DHX35: variants seen among roughly 807,000 people sequenced by gnomAD.
DHX35 encodes the protein DEAH-box helicase 35.
Under a neutral mutation model 99.6 loss-of-function variants are expected in DHX35, and 84 were observed. The observed-to-expected ratio is 0.84, with a 90% CI of 0.71 to 1.01. The LOEUF is 1.01. DHX35 is among the 50% of genes least tolerant of loss of function. DHX35 has a pLI of 0.00. For synonymous variants in DHX35, 331 were observed against 316.2 expected (o/e 1.05, Z -0.50); for missense variants, 852 against 888.5 (o/e 0.96, Z 0.52).
At position 38,992,378 on chromosome 20, in the gene DHX35, C is replaced by CTGG; in HGVS notation, c.535_536insTGG (p.His179delinsLeuAsp). The stretch of plus-strand genomic sequence containing the variant: ...TAGTGTCATCATGCTGGATGAAGCC[C>CTGG]ACGAGAGGACCTTGTACACTGACAT... On this transcript the variant is annotated protein_altering_variant, in exon 7 of 22. Transcript: ENST00000252011. The CTGG allele has an allele frequency of 6.2e-7, 1 of 1,614,054 alleles. No individual in the cohort carries two copies. Among genetic ancestry groups the CTGG allele is most frequent in the Non-Finnish European group, 8.5e-7 (1 of 1,179,978 alleles).
chr20:38,980,405 A>C (rs566710036), intron 3 of DHX35, among the ~76,000 whole-genome samples: 47 of 151,922 alleles, frequency 3.1e-4, no homozygotes, highest in African/African-American at 1.1e-3. Context: ...TTCCTTATAG[A>C]ATTTGTTTTG....
At chr20:39,006,674 CCTTT>C (rs1465043459) in intron 12 of DHX35, among the ~76,000 whole-genome samples, 2 of 152,284 alleles carry the variant, frequency 1.3e-5, no homozygotes, top group African/African-American at 4.8e-5. Context: ...GTCTTTCTTG[CCTTT>C]CTTTCTTGAC....
intron 5 of DHX35, among the ~76,000 whole-genome samples, chr20:38,990,775 G>T (rs898769584): frequency 3.3e-5 from 5 of 152,088 alleles, no homozygotes; most frequent in African/African-American, 9.7e-5. Flanking sequence ...GGTTGGGGGG[G>T]TTTCTAGAAC....
intron 3 of DHX35, among the ~76,000 whole-genome samples, chr20:38,983,208 C>T (rs750170739): frequency 2.6e-5 from 4 of 152,134 alleles, no homozygotes; most frequent in Non-Finnish European, 2.9e-5. Context: ...CATGAGCCGC[C>T]GTGCCTGTTC....
At chr20:38,978,944 A>G (rs2086125542) in intron 3 of DHX35, among the ~76,000 whole-genome samples, 1 of 152,190 alleles carries the variant, frequency 6.6e-6, no homozygotes. Context: ...TTTATTAAAT[A>G]GATTGTCCTT....
chr20:39,037,114 A>G (rs1413013149), intron 21 of DHX35, among the ~76,000 whole-genome samples: 1 of 147,784 alleles, frequency 6.8e-6, no homozygotes, highest in Non-Finnish European at 1.5e-5. Context: ...CTTCCCAGAA[A>G]AAAGCACCAA....
intron 15 of DHX35, among the ~76,000 whole-genome samples, chr20:39,019,575 T>C (rs967963971): frequency 6.6e-6 from 1 of 152,226 alleles, no homozygotes; most frequent in African/African-American, 2.4e-5. Flanking sequence ...TTTAAAAATG[T>C]ATTTTTAATT....
At chr20:39,010,824 A>G (rs1260432577) in intron 13 of DHX35, among the ~76,000 whole-genome samples, 1 of 152,092 alleles carries the variant, frequency 6.6e-6, no homozygotes, top group African/African-American at 2.4e-5. Context: ...CTGCAGCTTT[A>G]GATAGAGCTG....
chr20:38,984,845 A>G (rs894384350), intron 4 of DHX35, among the ~76,000 whole-genome samples: 1 of 150,684 alleles, frequency 6.6e-6, no homozygotes, highest in East Asian at 1.9e-4. Flanking sequence ...CTAACCTTGA[A>G]TTGCTTGTTT....
Position 39,025,358 on chromosome 20 carries a change from A to G in DHX35, c.1800A>G (p.Glu600=). The change falls in exon 18 of 22, where the codon GAA becomes GAG. Residue 600 remains glutamate, a splice_region_variant and synonymous_variant. Transcript: ENST00000252011. The stretch of plus-strand genomic sequence containing the variant: ...TTCAAGTGCCCAGGAAGTCTAGTGA[A>G]GGTGAGAAGAAACCGTCCCAGCTGG... ...VKFQVPRKSS[E]GDPDLVLRCI... is the part of the protein sequence containing the mutation. 6.2e-7 allele frequency: 1 copy of G among 1,613,050 alleles called. No homozygotes were observed.
intron 17 of DHX35, among the ~76,000 whole-genome samples, chr20:39,024,235 T>C (rs2086916835): frequency 6.6e-6 from 1 of 152,244 alleles, no homozygotes; most frequent in African/African-American, 2.4e-5. Context: ...CATATTTAGC[T>C]ATAAGTGATG....
chr20:38,975,319 G>A (rs943732570), intron 3 of DHX35, among the ~76,000 whole-genome samples: 15 of 152,300 alleles, frequency 9.8e-5, no homozygotes, highest in African/African-American at 3.6e-4. Context: ...AGCCTAGTAA[G>A]TTACTCATTT....
chr20:38,985,949 A>G (rs970195062), intron 4 of DHX35, among the ~76,000 whole-genome samples: 2 of 152,246 alleles, frequency 1.3e-5, no homozygotes, highest in Non-Finnish European at 2.9e-5. Flanking sequence ...GATCTCTGTG[A>G]GAGGCAATTA....
chr20:38,969,981 C>T (rs946583543), intron 2 of DHX35, among the ~76,000 whole-genome samples: 1 of 152,198 alleles, frequency 6.6e-6, no homozygotes, highest in Non-Finnish European at 1.5e-5. Flanking sequence ...CACAGGATGC[C>T]CTTGGAATGA....
intron 3 of DHX35, among the ~76,000 whole-genome samples, chr20:38,973,891 C>T (rs549278624): frequency 6.6e-6 from 1 of 152,348 alleles, no homozygotes; most frequent in Non-Finnish European, 1.5e-5. Context: ...GTAATGCTAA[C>T]CCCTGCTAGT....
At chr20:38,972,941 T>C (rs1418460994) in intron 3 of DHX35, among the ~76,000 whole-genome samples, 1 of 152,242 alleles carries the variant, frequency 6.6e-6, no homozygotes, top group Non-Finnish European at 1.5e-5. Context: ...GTTTTTATCC[T>C]TAAATAGTTA....
At chr20:39,033,906 A>AT (rs2087101156) in intron 20 of DHX35, among the ~76,000 whole-genome samples, 1 of 152,190 alleles carries the variant, frequency 6.6e-6, no homozygotes, top group South Asian at 2.1e-4. Flanking sequence ...TAATAAAGTC[A>AT]TTAGGCTCAG....
chr20:38,963,066 A>G (rs2085859080), intron 1 of DHX35: 1 of 152,434 alleles, frequency 6.6e-6, no homozygotes, highest in African/African-American at 2.4e-5. Flanking sequence ...ACAGTCCTTC[A>G]TATTGGCTGC....
Position 39,018,214 on chromosome 20 carries a change from G to C in DHX35, c.1403-590G>C, listed in dbSNP as rs2086816328. Among the ~76,000 whole-genome samples the C allele has an allele frequency of 2.0e-5, 3 of 152,246 alleles. No individual in the cohort carries two copies. In the East Asian group the frequency reaches 5.8e-4, roughly 30 times the overall value. On this transcript the variant is annotated intron_variant, in intron 14 of 21. Coordinates refer to ENST00000252011, the MANE Select transcript of DHX35 (RefSeq NM_021931.4). ...ATATCACTCATTTAGTATGAGAAGG[G>C]CACAGGACACGGGATGCCATCGATA...
Sources: allele counts gnomAD v4.1 joint callset (sites outside exome capture counted in the v4.1 genomes callset), GRCh38; gene constraint gnomAD v4.1.1; transcripts MANE v1.5; gene names NCBI Gene and HGNC (gene_info 2026-07-23, HGNC 2026-07-21).